DOCK1: variants seen among roughly 807,000 people sequenced by gnomAD.
DOCK1 encodes the protein dedicator of cytokinesis protein 1.
In DOCK1, 138 loss-of-function variants were observed where a neutral mutation model predicts 262.7. That is an observed-to-expected ratio of 0.53 (90% CI 0.46 to 0.61). The LOEUF (loss-of-function observed/expected upper bound fraction) is 0.61, where lower values mean the gene tolerates loss of function less well. Among genes scored for constraint, DOCK1 ranks in the 20% least tolerant of loss-of-function variants. The pLI is 0.00. For synonymous variants in DOCK1, 866 were observed against 867.4 expected (o/e 1.00, Z 0.03); for missense variants, 1,908 against 2,370.7 (o/e 0.80, Z 4.05).
At chr10:127,164,630 T>G (rs957668942) in intron 27 of DOCK1, among the ~76,000 whole-genome samples, 1 of 152,226 alleles carries the variant, frequency 6.6e-6, no homozygotes, top group African/African-American at 2.4e-5. Context: ...ACATGCAGAT[T>G]TGGACAGGGA....
intron 15 of DOCK1, 140 bp downstream of exon 15, chr10:127,024,923 G>A (rs976506445): frequency 1.7e-5 from 11 of 649,840 alleles, no homozygotes; most frequent in Non-Finnish European, 2.8e-5. Context: ...GTCATTCAAG[G>A]TTGCTAAGGA....
intron 33 of DOCK1, among the ~76,000 whole-genome samples, chr10:127,363,547 T>G (rs906067628): frequency 6.6e-5 from 10 of 152,150 alleles, no homozygotes; most frequent in Non-Finnish European, 1.5e-5. Flanking sequence ...TTACATAGAT[T>G]TTAGAGGAAT....
At chr10:126,946,304 T>C (rs1195737454) in intron 1 of DOCK1, among the ~76,000 whole-genome samples, 1 of 152,146 alleles carries the variant, frequency 6.6e-6, no homozygotes, top group Non-Finnish European at 1.5e-5. Context: ...CCTAGCACTT[T>C]GGGAGGCCGA....
intron 38 of DOCK1, among the ~76,000 whole-genome samples, chr10:127,397,301 C>T (rs138622049): frequency 0.048 from 6,980 of 144,076 alleles, 191 homozygotes; most frequent in Non-Finnish European, 0.06. Context: ...GTTACACGGG[C>T]GGCAACTCCT....
At chr10:127,321,957 G>C in intron 29 of DOCK1, among the ~76,000 whole-genome samples, 1 of 151,890 alleles carries the variant, frequency 6.6e-6, no homozygotes, top group Non-Finnish European at 1.5e-5. Context: ...ACAAAAATCA[G>C]CCAGATGTGG....
At position 127,175,863 on chromosome 10, in the gene DOCK1, T is replaced by A. The variant is rs549935946; in HGVS notation, c.2847+48099T>A. ...CTGGTCCACTGTGTTCATGTGTTGG[T>A]TGGAATGGAAAACCAAGGCTGTGGT... On this transcript the variant is annotated intron_variant, in intron 27 of 51. Coordinates refer to ENST00000623213, the MANE Select transcript of DOCK1 (RefSeq NM_001290223.2). The surrounding 1 kb of genome is among the most constrained non-coding windows in gnomAD (Gnocchi z 6.3). 1 of 1,614,116 alleles carries A rather than the reference T, an allele frequency of 6.2e-7. No homozygotes were observed. The highest frequency in any genetic ancestry group is 1.7e-5 in the Admixed American group (1 of 60,012).
chr10:127,391,837 T>C (rs1044071503), intron 38 of DOCK1, among the ~76,000 whole-genome samples: 2 of 152,002 alleles, frequency 1.3e-5, no homozygotes, highest in African/African-American at 4.8e-5. Context: ...TCTCCACCCT[T>C]CCGCTCCTGC....
chr10:127,258,091 G>C (rs527744321), intron 29 of DOCK1, among the ~76,000 whole-genome samples: 2 of 152,198 alleles, frequency 1.3e-5, no homozygotes. Context: ...TAGAGATCTT[G>C]TGTATAAGGG....
chr10:127,034,874 T>C (rs1297143584), intron 18 of DOCK1, among the ~76,000 whole-genome samples: 1 of 152,176 alleles, frequency 6.6e-6, no homozygotes, highest in Non-Finnish European at 1.5e-5. Context: ...GAAAGGGGAC[T>C]GTGGACCAGG....
chr10:127,055,349 C>A (rs1039550001), intron 22 of DOCK1, among the ~76,000 whole-genome samples: 2 of 152,166 alleles, frequency 1.3e-5, no homozygotes, highest in African/African-American at 2.4e-5. Context: ...GCTCTGCATT[C>A]CAGGTGGAGG....
intron 29 of DOCK1, among the ~76,000 whole-genome samples, chr10:127,259,531 G>A (rs982445286): frequency 1.3e-5 from 2 of 152,182 alleles, no homozygotes; most frequent in African/African-American, 4.8e-5. Flanking sequence ...CTGAGCAGGC[G>A]CCTGAGCACA....
intron 27 of DOCK1, among the ~76,000 whole-genome samples, chr10:127,230,715 G>C (rs921217404): frequency 2.0e-5 from 3 of 151,564 alleles, no homozygotes; most frequent in Non-Finnish European, 4.4e-5. Flanking sequence ...CTCCATCTTT[G>C]TTATTTTTGC....
chr10:127,341,784 G>A (rs1407362947), intron 30 of DOCK1, among the ~76,000 whole-genome samples: 6 of 152,192 alleles, frequency 3.9e-5, no homozygotes, highest in African/African-American at 1.2e-4. Context: ...CACATCGAGC[G>A]TCGCCCCTTG....
At chr10:127,021,990 C>G (rs111726529) in intron 13 of DOCK1, among the ~76,000 whole-genome samples, 1 of 152,140 alleles carries the variant, frequency 6.6e-6, no homozygotes, top group African/African-American at 2.4e-5. Flanking sequence ...GGTGGCCAGG[C>G]AGGCAGCAGA....
intron 29 of DOCK1, among the ~76,000 whole-genome samples, chr10:127,292,537 G>T (rs1199124422): frequency 6.6e-6 from 1 of 152,142 alleles, no homozygotes; most frequent in East Asian, 1.9e-4. Flanking sequence ...GCAAACAGGG[G>T]CCTTGGGGCT....
chr10:127,245,851 C>A (rs1200685939), intron 27 of DOCK1, among the ~76,000 whole-genome samples: 1 of 152,156 alleles, frequency 6.6e-6, no homozygotes, highest in Non-Finnish European at 1.5e-5. Flanking sequence ...TGATAAATAG[C>A]TGACTTTGTG....
chr10:127,063,533 G>T (rs905154725), intron 23 of DOCK1, among the ~76,000 whole-genome samples: 1 of 152,072 alleles, frequency 6.6e-6, no homozygotes, highest in African/African-American at 2.4e-5. Flanking sequence ...AATGTAGGTG[G>T]TGCATACATT....
intron 27 of DOCK1, among the ~76,000 whole-genome samples, chr10:127,142,765 G>T (rs1249152422): frequency 6.6e-6 from 1 of 152,198 alleles, no homozygotes; most frequent in Non-Finnish European, 1.5e-5. Flanking sequence ...GTGCCCTGGG[G>T]CTGTGTCGCC....
chr10:127,177,441 G>A (rs1030614014), intron 27 of DOCK1, among the ~76,000 whole-genome samples: 7 of 152,234 alleles, frequency 4.6e-5, no homozygotes, highest in African/African-American at 1.4e-4. Flanking sequence ...TGATGGCTGC[G>A]CTTAAAGCAA....
Sources: allele counts gnomAD v4.1 joint callset (sites outside exome capture counted in the v4.1 genomes callset), GRCh38; gene constraint gnomAD v4.1.1; non-coding constraint Gnocchi (gnomAD v3.1); transcripts MANE v1.5; gene names NCBI Gene and HGNC (gene_info 2026-07-23, HGNC 2026-07-21).